Variants in ZNF365 observed in about 807,000 individuals in gnomAD.
The protein encoded by ZNF365 is protein ZNF365.
A neutral mutation model predicts 35.0 loss-of-function variants in ZNF365; 22 were observed. The observed-to-expected ratio is 0.63, with a 90% confidence interval of 0.45 to 0.90. The LOEUF is 0.90. Among genes scored for constraint, ZNF365 ranks in the 40% least tolerant of loss-of-function variants. The pLI is 0.00. For missense variants in ZNF365, 448 were observed against 500.3 expected (o/e 0.90, Z 1.00); for synonymous variants, 188 against 196.2 (o/e 0.96, Z 0.35).
intron 3 of ZNF365, among the ~76,000 whole-genome samples, chr10:62,445,346 A>G (rs7914214): frequency 0.014 from 2,164 of 151,312 alleles, 42 homozygotes; most frequent in African/African-American, 0.049. Flanking sequence ...CTGAGGAATC[A>G]CCACACTGAC....
intron 3 of ZNF365, among the ~76,000 whole-genome samples, chr10:62,420,751 T>A (rs1348596708): frequency 6.6e-6 from 1 of 150,620 alleles, no homozygotes; most frequent in Non-Finnish European, 1.5e-5. Context: ...CCTAATGTCT[T>A]CTAGAATGGT....
intron 3 of ZNF365, among the ~76,000 whole-genome samples, chr10:62,428,000 G>A (rs914171343): frequency 4.6e-5 from 7 of 152,144 alleles, no homozygotes; most frequent in African/African-American, 1.7e-4. Flanking sequence ...AAAACCAAGA[G>A]TGGCGTAGGA....
At chr10:62,433,919 G>A (rs1467677093) in intron 3 of ZNF365, among the ~76,000 whole-genome samples, 2 of 152,208 alleles carry the variant, frequency 1.3e-5, no homozygotes, top group African/African-American at 2.4e-5. Context: ...ACAAGGGAAA[G>A]AATCCAGGTC....
rs1839836052 is a variant in ZNF365, at chr10:62,401,898, G to T, written c.*2109G>T. The T allele has an allele frequency of 1.0e-6, 1 of 985,266 alleles. No homozygotes were observed. Among genetic ancestry groups the T allele is most frequent in the Non-Finnish European group, 1.2e-6 (1 of 829,706 alleles). The allele number at this position is 985,266 out of a possible 1,614,324, so 61.0% of individuals were successfully genotyped here. ...CATTTCACAAGACGAATTATTTTGA[G>T]ATTTGTTTATTATATTAAAATGTTT... On this transcript the variant is annotated 3_prime_UTR_variant, in exon 5 of 5. Coordinates refer to ENST00000395254, the MANE Select transcript of ZNF365 (RefSeq NM_014951.3).
chr10:62,427,559 A>T (rs753546952), intron 3 of ZNF365, among the ~76,000 whole-genome samples: 3 of 152,234 alleles, frequency 2.0e-5, no homozygotes, highest in Non-Finnish European at 2.9e-5. Context: ...GAAAAATATA[A>T]GCAATACAGT....
chr10:62,425,116 CA>C (rs1840232056), intron 3 of ZNF365, among the ~76,000 whole-genome samples: 1 of 151,822 alleles, frequency 6.6e-6, no homozygotes, highest in South Asian at 2.1e-4. Context: ...TTGATTACAC[CA>C]AAATAAACTC....
intron 4 of ZNF365, among the ~76,000 whole-genome samples, chr10:62,476,644 T>G (rs1841136621): frequency 6.6e-6 from 1 of 152,256 alleles, no homozygotes; most frequent in African/African-American, 2.4e-5. Flanking sequence ...TTTCTCTAAT[T>G]CTTCTTCCAT....
At chr10:62,431,492 TAATAGTCTAATGC>T (rs911388854) in intron 3 of ZNF365, among the ~76,000 whole-genome samples, 9 of 32,028 alleles carry the variant, frequency 2.8e-4, no homozygotes, top group African/African-American at 5.3e-4. Context: ...TCTATGCTGT[TAATAGTCTAATGC>T]TGTTAATAGT....
At chr10:62,427,176 T>C (rs1158545355) in intron 3 of ZNF365, among the ~76,000 whole-genome samples, 1 of 152,232 alleles carries the variant, frequency 6.6e-6, no homozygotes, top group Non-Finnish European at 1.5e-5. Context: ...CTATTTATCA[T>C]TATTTTAGAG....
intron 3 of ZNF365, among the ~76,000 whole-genome samples, chr10:62,429,754 T>C (rs1174766653): frequency 6.6e-6 from 1 of 152,182 alleles, no homozygotes; most frequent in African/African-American, 2.4e-5. Flanking sequence ...GGTATTGGTT[T>C]ATTATCTCTC....
chr10:62,397,889 A>G (rs1461275225), intron 3 of ZNF365, among the ~76,000 whole-genome samples: 1 of 152,184 alleles, frequency 6.6e-6, no homozygotes, highest in African/African-American at 2.4e-5. Context: ...TTCAAATTTT[A>G]TGTATTTATT....
chr10:62,425,852 C>T (rs1200006702), intron 3 of ZNF365, among the ~76,000 whole-genome samples: 1 of 152,202 alleles, frequency 6.6e-6, no homozygotes, highest in African/African-American at 2.4e-5. Flanking sequence ...ATGGTGCTGA[C>T]TGCTATAGCC....
In ZNF365 at chr10:62,376,656, GC is replaced by G; in HGVS notation, c.464del (p.Ala155ValfsTer50). The G allele has an allele frequency of 1.2e-6, 2 of 1,614,150 alleles. No homozygotes were observed. Among genetic ancestry groups the G allele is most frequent in the Non-Finnish European group, 1.7e-6 (2 of 1,180,042 alleles). ...TGGACTGCCCACCTCAGACACCAAA[GC>G]TTCTTTCGAGGCACATGTCAGAGAA... ...GPGLPTSDTKASFEAHVREKF... is the reference protein window; with the variant it reads ...GPGLPTSDTKXSFEAHVREKF... On this transcript the variant is annotated frameshift_variant, in exon 2 of 5. Transcript: ENST00000395254. LOFTEE classifies it high-confidence loss of function.
At chr10:62,376,136 G>T (rs759914516) in intron 1 of ZNF365, 45 bp from the exon 2 acceptor site, 2 of 1,585,340 alleles carry the variant, frequency 1.3e-6, no homozygotes, top group Non-Finnish European at 1.7e-6. Context: ...TTTTAGTAGT[G>T]TGTTTTTCAG....
intron 3 of ZNF365, among the ~76,000 whole-genome samples, chr10:62,457,510 GA>G (rs1412326721): frequency 2.0e-5 from 3 of 152,216 alleles, no homozygotes; most frequent in Non-Finnish European, 4.4e-5. Flanking sequence ...TACTTCAAAT[GA>G]AGGTTAGGGT....
chr10:62,396,543 A>G (rs368808572), intron 3 of ZNF365, among the ~76,000 whole-genome samples: 3 of 152,298 alleles, frequency 2.0e-5, no homozygotes, highest in East Asian at 3.9e-4. Flanking sequence ...TTCATGACCC[A>G]TCTTTACTCA....
chr10:62,479,879 T>C, exon 5 of ZNF365: 1 of 1,611,314 alleles, frequency 6.2e-7, no homozygotes, highest in Non-Finnish European at 8.5e-7. Context: ...TGACTAGGAG[T>C]CTGCGATTGT....
rs539130082 is a variant in ZNF365 at position 62,385,379 on chromosome 10, T to C, written c.744-3017T>C. Among the ~76,000 whole-genome samples the C allele has an allele frequency of 9.2e-5, 14 of 152,306 alleles. No individual in the cohort carries two copies. In the East Asian group the frequency reaches 2.7e-3, roughly 29 times the overall value. ...TTAAAATTAATATTAAAAATTAATATCAGCATTAATATTAATTTTTAAAAG... is the reference window on the plus strand; with the variant it reads ...TTAAAATTAATATTAAAAATTAATACCAGCATTAATATTAATTTTTAAAAG... On this transcript the variant is annotated intron_variant, in intron 2 of 4. Transcript: ENST00000395254.
At chr10:62,409,084 C>T (rs947258829) in intron 3 of ZNF365, among the ~76,000 whole-genome samples, 1 of 152,136 alleles carries the variant, frequency 6.6e-6, no homozygotes, top group Non-Finnish European at 1.5e-5. Context: ...ATGCCACATG[C>T]TCATTTTCCT....
Sources: allele counts gnomAD v4.1 joint callset (sites outside exome capture counted in the v4.1 genomes callset), GRCh38; gene constraint gnomAD v4.1.1; transcripts MANE v1.5; gene names NCBI Gene and HGNC (gene_info 2026-07-23, HGNC 2026-07-21).